FAM117B: variants seen among roughly 807,000 people sequenced by gnomAD.
FAM117B encodes the protein protein FAM117B.
Under a neutral mutation model 52.8 loss-of-function variants are expected in FAM117B, and 22 were observed. The observed-to-expected ratio is 0.42, with a 90% CI of 0.30 to 0.59. FAM117B has a LOEUF of 0.59. Ranked by LOEUF, FAM117B falls within the 20% of genes least tolerant of loss-of-function variation. The probability of loss-of-function intolerance (pLI) is 0.22; values close to 1 mark genes in which losing one functional copy is unlikely to be tolerated. For missense variants in FAM117B, 678 were observed against 802.6 expected (o/e 0.84, Z 1.88); for synonymous variants, 309 against 324.1 (o/e 0.95, Z 0.50).
At chr2:202,751,771 C>CAA (rs397868272) in intron 4 of FAM117B, among the ~76,000 whole-genome samples, 150 of 76,118 alleles carry the variant, frequency 2.0e-3, no homozygotes, top group East Asian at 2.5e-3. Flanking sequence ...GACTCCATCT[C>CAA]AAAAAAAAAA....
At chr2:202,669,841 T>C (rs1446048980) in intron 1 of FAM117B, among the ~76,000 whole-genome samples, 1 of 152,206 alleles carries the variant, frequency 6.6e-6, no homozygotes, top group Non-Finnish European at 1.5e-5. Context: ...GCTTGAAGTA[T>C]TTTTCTAGAC....
At chr2:202,753,260 C>A (rs1691752708) in intron 4 of FAM117B, among the ~76,000 whole-genome samples, 3 of 152,122 alleles carry the variant, frequency 2.0e-5, no homozygotes, top group Admixed American at 1.3e-4. Context: ...CAAAAACAAG[C>A]AATGAGGAAA....
chr2:202,739,667 G>T (rs1691494524), intron 4 of FAM117B, among the ~76,000 whole-genome samples: 1 of 152,028 alleles, frequency 6.6e-6, no homozygotes, highest in African/African-American at 2.4e-5. Context: ...GTGTTGCCCA[G>T]CCTGGTCTCG....
chr2:202,655,761 A>AGAGAGTGTGT (rs1690046684), intron 1 of FAM117B, among the ~76,000 whole-genome samples: 1 of 100,372 alleles, frequency 1.0e-5, no homozygotes, highest in Non-Finnish European at 2.2e-5. Flanking sequence ...AGAGAGAGAG[A>AGAGAGTGTGT]GTGTGTGTGT....
chr2:202,758,503 G>T (rs1049461313), intron 6 of FAM117B, among the ~76,000 whole-genome samples: 5 of 152,166 alleles, frequency 3.3e-5, no homozygotes, highest in African/African-American at 1.2e-4. Flanking sequence ...AATTTCTTTT[G>T]TAGGAAAACT....
chr2:202,732,550 G>T (rs778702053), intron 4 of FAM117B, among the ~76,000 whole-genome samples: 1 of 152,152 alleles, frequency 6.6e-6, no homozygotes, highest in South Asian at 2.1e-4. Flanking sequence ...CAGGCACGGC[G>T]GCTTATGCCC....
At chr2:202,655,745 A>AGTGTGTGTGTGTGT (rs1349842139) in intron 1 of FAM117B, among the ~76,000 whole-genome samples, 1 of 133,584 alleles carries the variant, frequency 7.5e-6, no homozygotes, top group African/African-American at 3.9e-5. Context: ...AGAGAGAGAG[A>AGTGTGTGTGTGTGT]GAGAGAGAGA....
chr2:202,684,748 CTT>C (rs1690514260), intron 1 of FAM117B, among the ~76,000 whole-genome samples: 1 of 151,982 alleles, frequency 6.6e-6, no homozygotes, highest in Non-Finnish European at 1.5e-5. Flanking sequence ...AATAAGATGT[CTT>C]TAACAGAAAC....
rs575323274 is a variant in FAM117B, at chr2:202,641,981, C to T, written c.601+6193C>T. Among the ~76,000 whole-genome samples, 3 of 143,534 alleles carry T rather than the reference C, an allele frequency of 2.1e-5. No individual in the cohort carries two copies. The Admixed American group carries it at 2.2e-4, about 10-fold the overall frequency. The allele number at this position is 143,534 out of a possible 152,430, so 94.2% of individuals were successfully genotyped here. On this transcript the variant is annotated intron_variant, in intron 1 of 7. Transcript: ENST00000392238. ...TTTTTTTATCGGAGTCTTACTCTGT[C>T]GCCCAGGCTGGAGTGCAGTGGTGTG...
chr2:202,755,763 G>A, intron 5 of FAM117B, 82 bp downstream of exon 5: 1 of 1,391,758 alleles, frequency 7.2e-7, no homozygotes, highest in Non-Finnish European at 9.6e-7. Flanking sequence ...ATATTTACTT[G>A]GGTTTCTTCC....
intron 2 of FAM117B, among the ~76,000 whole-genome samples, chr2:202,702,931 A>G (rs1405076543): frequency 6.6e-6 from 1 of 152,218 alleles, no homozygotes; most frequent in Non-Finnish European, 1.5e-5. Context: ...TTAATACACT[A>G]TAGTATAGTG....
chr2:202,712,741 G>A (rs970751074), intron 2 of FAM117B, among the ~76,000 whole-genome samples: 3 of 151,964 alleles, frequency 2.0e-5, no homozygotes, highest in Non-Finnish European at 4.4e-5. Flanking sequence ...CCAGTTTTTT[G>A]AAGGTTTTTA....
At chr2:202,722,143 T>TG (rs1455538340) in intron 2 of FAM117B, among the ~76,000 whole-genome samples, 4 of 151,406 alleles carry the variant, frequency 2.6e-5, no homozygotes, top group African/African-American at 7.3e-5. Flanking sequence ...CCCAAGCAGC[T>TG]GGGATTACAC....
chr2:202,724,051 C>CTTTTTTTT (rs34063266), intron 2 of FAM117B, among the ~76,000 whole-genome samples: 7 of 89,790 alleles, frequency 7.8e-5, no homozygotes, highest in Admixed American at 1.7e-4. Flanking sequence ...TAAGGTTTAA[C>CTTTTTTTT]TTTTTTTTTT....
chr2:202,743,013 A>G (rs1316604773), intron 4 of FAM117B, among the ~76,000 whole-genome samples: 1 of 152,028 alleles, frequency 6.6e-6, no homozygotes, highest in East Asian at 1.9e-4. Flanking sequence ...CACCACACAC[A>G]ATGCCCAGAG....
chr2:202,745,968 A>G (rs1691625343), intron 4 of FAM117B, among the ~76,000 whole-genome samples: 1 of 152,216 alleles, frequency 6.6e-6, no homozygotes, highest in African/African-American at 2.4e-5. Context: ...TTAGAGCTTA[A>G]AGAGAGAAAT....
chr2:202,647,829 A>C (rs1689893217), intron 1 of FAM117B, among the ~76,000 whole-genome samples: 1 of 151,964 alleles, frequency 6.6e-6, no homozygotes, highest in Non-Finnish European at 1.5e-5. Flanking sequence ...ATTATTTAAT[A>C]GGAAGTATCT....
intron 4 of FAM117B, among the ~76,000 whole-genome samples, chr2:202,732,834 A>G (rs552127418): frequency 0.19 from 28,363 of 148,934 alleles, 3,208 homozygotes; most frequent in South Asian, 0.37. Flanking sequence ...AAGTAAATAA[A>G]TAAATAAATA....
rs1160416180 is a variant in FAM117B, at chr2:202,725,844, T to G, written c.847-406T>G. 2.6e-5 allele frequency among the ~76,000 whole-genome samples: 4 copies of G among 152,258 alleles called. No individual in the cohort carries two copies. In the East Asian group the frequency reaches 7.7e-4, roughly 29 times the overall value. On this transcript the variant is annotated intron_variant, in intron 3 of 7. Transcript: ENST00000392238. Reference sequence around the variant, plus strand: ...AGATGATATCTGTGAATATATTTCATGACTTGAGTTGATTTTTAAATACTG... The same window carrying G: ...AGATGATATCTGTGAATATATTTCAGGACTTGAGTTGATTTTTAAATACTG...
Sources: allele counts gnomAD v4.1 joint callset (sites outside exome capture counted in the v4.1 genomes callset), GRCh38; gene constraint gnomAD v4.1.1; transcripts MANE v1.5; gene names NCBI Gene and HGNC (gene_info 2026-07-23, HGNC 2026-07-21).